The following GNA12 variants were observed in gnomAD, a reference collection of about 807,000 sequenced individuals.
GNA12 encodes G protein subunit alpha 12.
GNA12 carries 9 observed loss-of-function variants against 26.0 expected under a neutral mutation model. The ratio of observed to expected loss-of-function variants is 0.35; its 90% CI spans 0.21 to 0.60. The LOEUF is 0.60. GNA12 is among the 20% of genes least tolerant of loss of function. The probability of loss-of-function intolerance (pLI) is 0.78; values close to 1 mark genes in which losing one functional copy is unlikely to be tolerated. For synonymous variants in GNA12, 264 were observed against 219.6 expected, an observed-to-expected ratio of 1.20 and a Z score of -1.79; for missense variants, 405 against 525.8, an observed-to-expected ratio of 0.77 and a Z score of 2.25.
At chr7:2,799,446 G>C (rs1397238029) in intron 1 of GNA12, among the ~76,000 whole-genome samples, 1 of 152,102 alleles carries the variant, frequency 6.6e-6, no homozygotes, top group Non-Finnish European at 1.5e-5. Context: ...GGCAGGCATG[G>C]TGGCACACGC....
intron 2 of GNA12, among the ~76,000 whole-genome samples, chr7:2,780,078 A>G (rs1341566860): frequency 5.6e-5 from 6 of 106,590 alleles, no homozygotes; most frequent in Non-Finnish European, 2.1e-5. Context: ...ATATATATAT[A>G]TATATATATA....
intron 2 of GNA12, among the ~76,000 whole-genome samples, chr7:2,741,949 G>C (rs1293096295): frequency 1.3e-5 from 2 of 151,670 alleles, no homozygotes; most frequent in Non-Finnish European, 2.9e-5. Context: ...CTCTAGCACA[G>C]AATTTAGTAT....
intron 2 of GNA12, among the ~76,000 whole-genome samples, chr7:2,793,217 G>C (rs557090314): frequency 6.6e-6 from 1 of 152,288 alleles, no homozygotes; most frequent in South Asian, 2.1e-4. Flanking sequence ...TGGACTGCAA[G>C]AGACCAAGGG....
chr7:2,756,396 T>C (rs991300184), intron 2 of GNA12, among the ~76,000 whole-genome samples: 1 of 152,062 alleles, frequency 6.6e-6, no homozygotes, highest in Non-Finnish European at 1.5e-5. Flanking sequence ...CTCACATTTA[T>C]AATCCTACGA....
rs1190025999 is a variant in GNA12 at position 2,814,637 on chromosome 7, T to C, written c.310-19494A>G. Among the ~76,000 whole-genome samples, 184 of 28,474 alleles carry C rather than the reference T, an allele frequency of 6.5e-3. 1 individual carries two copies. The highest frequency in any genetic ancestry group is 0.014 in the African/African-American group (151 of 11,144). The allele number at this position is 28,474 out of a possible 152,430, so 18.7% of individuals were successfully genotyped here. On this transcript the variant is annotated intron_variant, in intron 1 of 3. Transcript: ENST00000275364. ...AATTCCTTATTTCCTTTTCCTGCCT[T>C]TTTTTTTTTTTTTTCGTGGCATAGA...
chr7:2,732,939 C>T (rs1429757442), intron 3 of GNA12, among the ~76,000 whole-genome samples: 1 of 152,192 alleles, frequency 6.6e-6, no homozygotes, highest in Non-Finnish European at 1.5e-5. Flanking sequence ...AATGAGACAA[C>T]AGGGAAAATC....
Position 2,844,224 on chromosome 7 carries a change from A to C in GNA12, c.-63T>G. The C allele has an allele frequency of 1.2e-6, 1 of 841,874 alleles. No homozygotes were observed. Among genetic ancestry groups the C allele is most frequent in the Non-Finnish European group, 1.4e-6 (1 of 701,824 alleles). 52.2% of individuals were successfully genotyped at this position (841,874 alleles called of 1,614,324 possible). On this transcript the variant is annotated 5_prime_UTR_variant, in exon 1 of 4. Transcript: ENST00000275364. The stretch of plus-strand genomic sequence containing the variant: ...GGGGCCATGGACGCTCCCGCCGGCG[A>C]GGGCGAGCCCGGGCCGAGGCACCGC...
chr7:2,814,415 T>A (rs1416999926), intron 1 of GNA12: 3 of 1,327,880 alleles, frequency 2.3e-6, no homozygotes, highest in Non-Finnish European at 3.3e-6. Context: ...TAAGAATTCC[T>A]ATAATCTGAA....
At chr7:2,830,089 G>A (rs1006587279) in intron 1 of GNA12, among the ~76,000 whole-genome samples, 2 of 152,084 alleles carry the variant, frequency 1.3e-5, no homozygotes, top group African/African-American at 2.4e-5. Context: ...TGTTCTCCCC[G>A]AACTTTTCCC....
intron 1 of GNA12, among the ~76,000 whole-genome samples, chr7:2,833,179 A>G (rs975980348): frequency 1.2e-4 from 18 of 152,228 alleles, no homozygotes; most frequent in Non-Finnish European, 2.4e-4. Flanking sequence ...AAACCATAAT[A>G]GTTACGGCAT....
At chr7:2,739,234 C>A (rs933511096) in intron 2 of GNA12, among the ~76,000 whole-genome samples, 8 of 152,188 alleles carry the variant, frequency 5.3e-5, no homozygotes, top group African/African-American at 1.9e-4. Flanking sequence ...GCATTTACTA[C>A]CTTCAAAATG....
chr7:2,737,325 G>A (rs1461695262), intron 2 of GNA12, among the ~76,000 whole-genome samples: 1 of 118,892 alleles, frequency 8.4e-6, no homozygotes. Context: ...GTCTCGCCCT[G>A]TCGCCCCGGC....
At chr7:2,782,767 G>T (rs974772451) in intron 2 of GNA12, among the ~76,000 whole-genome samples, 1 of 151,532 alleles carries the variant, frequency 6.6e-6, no homozygotes, top group African/African-American at 2.4e-5. Flanking sequence ...TTCTTCCTGT[G>T]ACTCAGTGTT....
At chr7:2,739,173 G>T (rs1483975327) in intron 2 of GNA12, among the ~76,000 whole-genome samples, 1 of 152,112 alleles carries the variant, frequency 6.6e-6, no homozygotes, top group Non-Finnish European at 1.5e-5. Context: ...TTTTCATTAG[G>T]TAAGATCTAC....
intron 2 of GNA12, among the ~76,000 whole-genome samples, chr7:2,739,832 T>C (rs1790409291): frequency 6.6e-6 from 1 of 152,128 alleles, no homozygotes. Context: ...CCACCAAACC[T>C]GGCTAATTTT....
In GNA12 at chr7:2,731,716, G is replaced by C; in HGVS notation, c.611C>G (p.Ala204Gly). ...CACAATTCCCTTGGTGGCTTTCCTA[G>C]CCAGCAGGATATCTTGCTTACTAGG... ...YFPSKQDILL[A>G]RKATKGIVEH... Residue 204 changes from alanine (A) to glycine (G), a missense_variant, in exon 4 of 4, where the codon GCT (alanine) becomes GGT (glycine). Coordinates refer to ENST00000275364, the MANE Select transcript of GNA12 (RefSeq NM_007353.3). The surrounding 1 kb of genome is among the most constrained non-coding windows in gnomAD (Gnocchi z 6.0). 6.4e-7 allele frequency: 1 copy of C among 1,573,262 alleles called. No individual in the cohort carries two copies. Among genetic ancestry groups the C allele is most frequent in the Non-Finnish European group, 8.7e-7 (1 of 1,155,440 alleles).
Position 2,841,497 on chromosome 7 carries a change from AGAC to A in GNA12, c.309+2353_309+2355del, listed in dbSNP as rs143692280. On this transcript the variant is annotated intron_variant, in intron 1 of 3. Coordinates refer to ENST00000275364, the MANE Select transcript of GNA12 (RefSeq NM_007353.3). ...GAGACAGCCAAATGCACTTGAACAC[AGAC>A]GCTCCCAGTGAGCTAAGCTGGGCAC... is the stretch of plus-strand genomic sequence containing the variant. Among the ~76,000 whole-genome samples the A allele has an allele frequency of 9.1e-3, 1,390 of 152,322 alleles. 15 individuals are homozygous for A. Among genetic ancestry groups the A allele is most frequent in the African/African-American group, 0.032 (1,311 of 41,562 alleles).
At chr7:2,740,568 T>C (rs1790448381) in intron 2 of GNA12, among the ~76,000 whole-genome samples, 1 of 152,226 alleles carries the variant, frequency 6.6e-6, no homozygotes, top group South Asian at 2.1e-4. Flanking sequence ...TATTTTGTTA[T>C]GGCAGCTTGA....
intron 2 of GNA12, among the ~76,000 whole-genome samples, chr7:2,739,710 C>T (rs771762892): frequency 9.9e-5 from 15 of 152,062 alleles, no homozygotes; most frequent in South Asian, 2.1e-4. Context: ...AGTCTCGCCC[C>T]GTTGCTCAGG....
Sources: allele counts gnomAD v4.1 joint callset (sites outside exome capture counted in the v4.1 genomes callset), GRCh38; gene constraint gnomAD v4.1.1; non-coding constraint Gnocchi (gnomAD v3.1); transcripts MANE v1.5; gene names NCBI Gene and HGNC (gene_info 2026-07-23, HGNC 2026-07-21).